Variants in ANGPTL6 observed in about 807,000 individuals in gnomAD.
The protein encoded by ANGPTL6 is angiopoietin-related protein 6.
A neutral mutation model predicts 47.4 loss-of-function variants in ANGPTL6; 45 were observed. The ratio of observed to expected loss-of-function variants is 0.95; its 90% confidence interval spans 0.75 to 1.22. The LOEUF (loss-of-function observed/expected upper bound fraction) is 1.22. ANGPTL6 is among the 50% of genes most tolerant of loss of function. ANGPTL6 has a pLI of 0.00. For missense variants in ANGPTL6, 698 were observed against 669.4 expected (o/e 1.04, Z -0.47); for synonymous variants, 290 against 295.9 (o/e 0.98, Z 0.20).
chr19:10,101,330 G>GGT (rs2088672496), intron 1 of ANGPTL6, among the ~76,000 whole-genome samples: 1 of 152,104 alleles, frequency 6.6e-6, no homozygotes, highest in African/African-American at 2.4e-5. Flanking sequence ...GATTGCTTGA[G>GGT]CCTAGGAGTT....
Position 10,092,661 on chromosome 19 carries a change from G to A in ANGPTL6, c.1341C>T (p.Tyr447=). The stretch of plus-strand genomic sequence containing the variant: ...ATGCCCCACCACGAAACTCAGCCCA[G>A]TAGACACCATCCTGGTAGCGGCTTC... ...HYRSRYQDGV[Y]WAEFRGGAYS... Residue 447 remains tyrosine (Y), a synonymous_variant, in exon 6 of 6, where the codon TAC becomes TAT. Coordinates refer to ENST00000253109, the MANE Select transcript of ANGPTL6 (RefSeq NM_031917.3). 6.2e-7 allele frequency: 1 copy of A among 1,613,728 alleles called. No homozygotes were observed. The highest frequency in any genetic ancestry group is 8.5e-7 in the Non-Finnish European group (1 of 1,179,740).
At position 10,094,795 on chromosome 19, in the gene ANGPTL6, C is replaced by T. The variant is rs951718837; in HGVS notation, c.726G>A (p.Met242Ile). 1 of 1,614,228 alleles carries T rather than the reference C, an allele frequency of 6.2e-7. No homozygotes were observed. Among genetic ancestry groups the T allele is most frequent in the East Asian group, 2.2e-5 (1 of 44,892 alleles). ...QRQQEPMASP[M>I]PAGHPAVPTK... ...TGGGGACCGCAGGGTGACCTGCAGG[C>T]ATGGGAGAAGCCATGGGCTCCTGCT... The change falls in exon 3 of 6, where the codon ATG (methionine) becomes ATA (isoleucine). Residue 242 changes from methionine to isoleucine, a missense_variant. Coordinates refer to ENST00000253109, the MANE Select transcript of ANGPTL6 (RefSeq NM_031917.3).
intron 1 of ANGPTL6, among the ~76,000 whole-genome samples, chr19:10,097,280 C>T (rs1400907466): frequency 6.6e-6 from 1 of 151,702 alleles, no homozygotes. Context: ...GTGGCAAGGG[C>T]TTGTCATCCC....
At chr19:10,096,932 A>C (rs1478322775) in intron 1 of ANGPTL6, among the ~76,000 whole-genome samples, 6 of 1,630 alleles carry the variant, frequency 3.7e-3, no homozygotes, top group Admixed American at 0.02. Flanking sequence ...CTGTCTCTAC[A>C]AAAAAAAAAA....
In ANGPTL6 at chr19:10,092,395, G is replaced by A; in HGVS notation, c.*194C>T. The A allele has an allele frequency of 6.6e-7, 1 of 1,522,588 alleles. No homozygotes were observed. Among genetic ancestry groups the A allele is most frequent in the Non-Finnish European group, 8.8e-7 (1 of 1,138,860 alleles). 94.3% of individuals were successfully genotyped at this position (1,522,588 alleles called of 1,614,324 possible). ...CTCAAACCGAGATATGAATGACCTT[G>A]GGGAGCCATCTGAGGCCAAGATATT... On this transcript the variant is annotated 3_prime_UTR_variant, in exon 6 of 6. Coordinates refer to ENST00000253109, the MANE Select transcript of ANGPTL6 (RefSeq NM_031917.3).
chr19:10,094,356 C>G (rs1038674283), intron 3 of ANGPTL6, among the ~76,000 whole-genome samples: 1 of 152,116 alleles, frequency 6.6e-6, no homozygotes, highest in South Asian at 2.1e-4. Flanking sequence ...CCGTGTTAGC[C>G]AGGATGGTCT....
upstream of ANGPTL6, among the ~76,000 whole-genome samples, chr19:10,103,147 C>G (rs531055070): frequency 1.3e-5 from 2 of 151,968 alleles, no homozygotes; most frequent in East Asian, 1.9e-4. Context: ...CCTGCGGTCA[C>G]ACAGCCAAAA....
chr19:10,103,082 T>C (rs1050649588), upstream of ANGPTL6, among the ~76,000 whole-genome samples: 4 of 151,932 alleles, frequency 2.6e-5, no homozygotes, highest in Non-Finnish European at 5.9e-5. Context: ...GGATTCTGTA[T>C]GTACCCTCAT....
chr19:10,096,059 G>GCGCCAGCTCGCGGAACTTGAC lies in ANGPTL6; in HGVS notation c.484_504dup (p.Val162_Ala168dup). The GCGCCAGCTCGCGGAACTTGAC allele has an allele frequency of 6.8e-7, 1 of 1,474,976 alleles. No individual in the cohort carries two copies. Among genetic ancestry groups the GCGCCAGCTCGCGGAACTTGAC allele is most frequent in the Middle Eastern group, 1.8e-4 (1 of 5,552 alleles). 91.4% of individuals were successfully genotyped at this position (1,474,976 alleles called of 1,614,324 possible). ...AGACTGCTCTGCTGGGTGACGAGCT[G>GCGCCAGCTCGCGGAACTTGAC]CGCCAGCTCGCGGAACTTGACGTCC... On this transcript the variant is annotated inframe_insertion, in exon 2 of 6. Transcript: ENST00000253109.
chr19:10,102,131 A>G (rs554090486), intron 1 of ANGPTL6, among the ~76,000 whole-genome samples: 6 of 150,292 alleles, frequency 4.0e-5, no homozygotes, highest in East Asian at 3.9e-4. Context: ...AAAAAAAAAA[A>G]AAAAAAAGAA....
chr19:10,102,835 C>A (rs1042012045), upstream of ANGPTL6: 2 of 927,344 alleles, frequency 2.2e-6, no homozygotes, highest in African/African-American at 3.6e-5. Context: ...GCCCAGGCCA[C>A]CAGAGCCTGA....
At chr19:10,103,677 A>C (rs982885349), upstream of ANGPTL6, among the ~76,000 whole-genome samples, 2 of 151,196 alleles carry the variant, frequency 1.3e-5, no homozygotes, top group Admixed American at 6.6e-5. Context: ...TAAAAAATAA[A>C]TATAAAAGAC....
chr19:10,096,131 T>G lies in ANGPTL6; in HGVS notation c.433A>C (p.Asn145His). 7.0e-7 allele frequency: 1 copy of G among 1,431,842 alleles called. No individual in the cohort carries two copies. The highest frequency in any genetic ancestry group is 9.2e-7 in the Non-Finnish European group (1 of 1,092,648). The allele number at this position is 1,431,842 out of a possible 1,614,324, so 88.7% of individuals were successfully genotyped here. A position where few individuals can be genotyped will look rare whatever the true frequency, so the allele number is the denominator to read the frequency against. ...GCGCGCTGAGCCTCGGCGGACGCGT[T>G]GAGCACGCGCTCCCCGAGCAGCGCC... ...ALALLGERVL[N>H]ASAEAQRAAA... Residue 145 changes from asparagine (N) to histidine (H), a missense_variant, in exon 2 of 6, where the codon AAC becomes CAC. Coordinates refer to ENST00000253109, the MANE Select transcript of ANGPTL6 (RefSeq NM_031917.3).
At chr19:10,096,638 C>A in intron 1 of ANGPTL6, 65 bp from the exon 2 acceptor site, 1 of 1,259,288 alleles carries the variant, frequency 7.9e-7, no homozygotes, top group Non-Finnish European at 1.0e-6. Flanking sequence ...CCTCCGCTTC[C>A]ACGCGGGGAT....
At chr19:10,104,962 C>T (rs568267004), upstream of ANGPTL6, among the ~76,000 whole-genome samples, 55 of 152,296 alleles carry the variant, frequency 3.6e-4, no homozygotes, top group Non-Finnish European at 4.0e-4. Flanking sequence ...CACACGAGGA[C>T]GGAACTGGGG....
At chr19:10,102,713 C>G (rs1254861415), upstream of ANGPTL6, 2 of 984,588 alleles carry the variant, frequency 2.0e-6, no homozygotes, top group African/African-American at 3.5e-5. Flanking sequence ...GGTAACCACT[C>G]CCCAGCCCCC....
Position 10,093,599 on chromosome 19 carries a change from G to A in ANGPTL6, c.972C>T (p.Asp324=), listed in dbSNP as rs147975947. ...QHYKAGFGRP[D]GEYWLGLEPV... ...GTTCAAGGCCCAGCCAGTATTCTCC[G>A]TCTGGCCGCCCAAAGCCCGCCTGGC... The change falls in exon 5 of 6, where the codon GAC becomes GAT. Residue 324 remains aspartate, a synonymous_variant. Transcript: ENST00000253109. 128 of 1,613,632 alleles carry A rather than the reference G, an allele frequency of 7.9e-5. No individual in the cohort carries two copies. The highest frequency in any genetic ancestry group is 7.2e-4 in the African/African-American group (54 of 75,050).
rs2088543454 is a variant in ANGPTL6 at position 10,096,411 on chromosome 19, C to T, written c.153G>A (p.Arg51=). Residue 51 remains arginine, a synonymous_variant, in exon 2 of 6, where the codon CGG becomes CGA. Coordinates refer to ENST00000253109, the MANE Select transcript of ANGPTL6 (RefSeq NM_031917.3). ...AVCWSGPAST[R]ATPEAANASE... The stretch of plus-strand genomic sequence containing the variant: ...TGGCGTTGGCGGCCTCGGGCGTCGC[C>T]CGCGTGGATGCGGGGCCGCTCCAGC... 3.0e-6 allele frequency: 4 copies of T among 1,322,856 alleles called. No homozygotes were observed. In the East Asian group the frequency reaches 1.2e-4, roughly 41 times the overall value. The allele number at this position is 1,322,856 out of a possible 1,614,324, so 81.9% of individuals were successfully genotyped here.
intron 1 of ANGPTL6, among the ~76,000 whole-genome samples, chr19:10,098,023 A>T (rs922583672): frequency 8.0e-6 from 1 of 124,608 alleles, no homozygotes; most frequent in East Asian, 2.3e-4. Context: ...AAAAAAAAAA[A>T]AGGAACTGCA....
Sources: gnomAD v4.1 joint callset for allele counts (sites outside exome capture counted in the v4.1 genomes callset) on GRCh38, gnomAD v4.1.1 for gene constraint, MANE v1.5 for transcripts, NCBI Gene and HGNC (gene_info 2026-07-23, HGNC 2026-07-21) for gene names.